The following SEPTIN3 variants were observed in gnomAD, a reference collection of about 807,000 sequenced individuals.
The protein encoded by SEPTIN3 is septin 3, also known as neuronal-specific septin-3.
Under a neutral mutation model 45.1 loss-of-function variants are expected in SEPTIN3, and 15 were observed. That is an observed-to-expected ratio of 0.33 (90% CI 0.22 to 0.51). The LOEUF is 0.51. Among genes scored for constraint, SEPTIN3 ranks in the 20% least tolerant of loss-of-function variants. The probability of loss-of-function intolerance (pLI) is 0.97; values close to 1 mark genes in which losing one functional copy is unlikely to be tolerated. For missense variants in SEPTIN3, 289 were observed against 457.2 expected (o/e 0.63, Z 3.35); for synonymous variants, 148 against 164.8 (o/e 0.90, Z 0.78).
At chr22:41,973,055 G>A (rs924963587) in intron 2 of SEPTIN3, 59 bp downstream of exon 2, 4 of 398,272 alleles carry the variant, frequency 1.0e-5, no homozygotes, top group African/African-American at 6.2e-5. Context: ...AGGTGTGTGA[G>A]CTTGGAGATG....
chr22:41,988,538 T>C (rs529077039), intron 6 of SEPTIN3, among the ~76,000 whole-genome samples: 2 of 151,868 alleles, frequency 1.3e-5, no homozygotes, highest in South Asian at 2.1e-4. Context: ...GCAGTGATGG[T>C]AGGGGGAGAA....
In SEPTIN3 at chr22:41,985,371, A is replaced by G. The variant is rs112572793; in HGVS notation, c.1697-613A>G. Among the ~76,000 whole-genome samples the G allele has an allele frequency of 2.7e-3, 404 of 152,208 alleles. 1 individual carries two copies. The highest frequency in any genetic ancestry group is 9.2e-3 in the African/African-American group (382 of 41,524). The stretch of plus-strand genomic sequence containing the variant: ...AGGCTTCTGGGAGCACAATCTAAAA[A>G]CCACTACACTAGAAGAAAGAGTGGA... On this transcript the variant is annotated intron_variant, in intron 3 of 11. Transcript: ENST00000644076.
chr22:41,996,467 A>AG (rs1274829472), intron 11 of SEPTIN3: 2 of 990,226 alleles, frequency 2.0e-6, no homozygotes, highest in African/African-American at 3.5e-5. Flanking sequence ...CTCAGGTGCT[A>AG]GGAAAAAAAA....
intron 7 of SEPTIN3, among the ~76,000 whole-genome samples, 171 bp downstream of exon 7, chr22:41,989,855 A>G (rs1015834893): frequency 6.6e-6 from 1 of 151,130 alleles, no homozygotes; most frequent in African/African-American, 2.4e-5. Context: ...GGTTGGTGGT[A>G]TCTGGGGACT....
intron 1 of SEPTIN3, among the ~76,000 whole-genome samples, chr22:41,970,424 G>A (rs1300321441): frequency 1.3e-5 from 2 of 152,084 alleles, no homozygotes; most frequent in Non-Finnish European, 2.9e-5. Context: ...CACAGCCCAC[G>A]GAGCAGAGAG....
Position 41,971,947 on chromosome 22 carries a change from C to T in SEPTIN3, c.455C>T (p.Ser152Leu), listed in dbSNP as rs1305324572. ...HEGGRVSSPG[S>L]PPVTLVPGGR... ...GGAGGGAGGGTGTCCTCGCCAGGCT[C>T]GCCACCTGTGACCCTAGTGCCAGGG... The change falls in exon 2 of 12, where the codon TCG becomes TTG. Residue 152 changes from serine to leucine, a missense_variant. Physicochemically the swap from Ser to Leu is moderately radical, Grantham distance 145. Around this residue, in one of 3 missense-constraint regions of SEPTIN3, gnomAD observed 200 missense variants for 315.1 expected, o/e 0.63. Transcript: ENST00000644076. The T allele has an allele frequency of 1.3e-5, 5 of 398,990 alleles. No individual in the cohort carries two copies. The highest frequency in any genetic ancestry group is 4.4e-5 in the Admixed American group (1 of 22,720). The allele number at this position is 398,990 out of a possible 1,614,324, so 24.7% of individuals were successfully genotyped here. A position where few individuals can be genotyped will look rare whatever the true frequency, so the allele number is the denominator to read the frequency against.
chr22:41,996,745 G>C, intron 11 of SEPTIN3, 157 bp from the exon 12 acceptor site: 2 of 1,508,616 alleles, frequency 1.3e-6, no homozygotes, highest in East Asian at 2.3e-5. Flanking sequence ...AGCAGGGGAA[G>C]ATCTATGGGC....
At chr22:41,973,166 G>A (rs2146665736) in intron 2 of SEPTIN3, among the ~76,000 whole-genome samples, 170 bp downstream of exon 2, 1 of 152,272 alleles carries the variant, frequency 6.6e-6, no homozygotes, top group Admixed American at 6.5e-5. Flanking sequence ...CAGACATAGG[G>A]ACTGTACCCT....
In SEPTIN3 at chr22:41,970,373, A is replaced by G. The variant is rs571840925; in HGVS notation, c.-20+696A>G. ...AGTCCCGCCACTTCTACCCCTGTGCAATGCAGCCTCCTCCAGCCCCAGCCC... is the reference window on the plus strand; with the variant it reads ...AGTCCCGCCACTTCTACCCCTGTGCGATGCAGCCTCCTCCAGCCCCAGCCC... On this transcript the variant is annotated intron_variant, in intron 1 of 11. Transcript: ENST00000644076. Among the ~76,000 whole-genome samples the G allele has an allele frequency of 1.3e-4, 20 of 152,206 alleles. No homozygotes were observed. The South Asian group carries it at 4.2e-3, about 32-fold the overall frequency.
At chr22:41,981,386 AAAG>A in intron 2 of SEPTIN3, 1 of 439,412 alleles carries the variant, frequency 2.3e-6, no homozygotes, top group Non-Finnish European at 4.1e-6. Context: ...GGTGCATTTG[AAAG>A]TGCCCAGCAA....
intron 11 of SEPTIN3, chr22:41,995,943 G>A (rs1354159785): frequency 1.0e-6 from 1 of 983,264 alleles, no homozygotes; most frequent in Non-Finnish European, 1.2e-6. Flanking sequence ...GTCTTTCTTA[G>A]TAATTTGGCT....
intron 2 of SEPTIN3, chr22:41,977,065 A>C (rs1333831995): frequency 2.5e-6 from 4 of 1,601,696 alleles, no homozygotes; most frequent in Non-Finnish European, 3.4e-6. Context: ...AGGAGGATTC[A>C]TGTCCAAAGG....
At chr22:41,977,017 C>G (rs1409068036) in intron 2 of SEPTIN3, 2 of 1,584,704 alleles carry the variant, frequency 1.3e-6, no homozygotes, top group South Asian at 1.1e-5. Flanking sequence ...GCCTTGCAGC[C>G]CCGCGCCCGG....
chr22:41,996,892 C>T lies in SEPTIN3; in HGVS notation c.2506-10C>T, dbSNP rs752815513. The T allele has an allele frequency of 4.3e-6, 7 of 1,613,586 alleles. No individual in the cohort carries two copies. Among genetic ancestry groups the T allele is most frequent in the Non-Finnish European group, 5.9e-6 (7 of 1,179,718 alleles). On this transcript the variant is annotated splice_polypyrimidine_tract_variant and intron_variant, in intron 11 of 11. Coordinates refer to ENST00000644076, the MANE Select transcript of SEPTIN3 (RefSeq NM_001363845.2). ...CTCCACACCCTCAACCGTTCTCAAC[C>T]CCCCTGCAGGGAGAAGGCCTCCTGG... is the stretch of plus-strand genomic sequence containing the variant.
chr22:41,993,347 C>T (rs1223670476), intron 9 of SEPTIN3, among the ~76,000 whole-genome samples: 1 of 149,804 alleles, frequency 6.7e-6, no homozygotes, highest in Non-Finnish European at 1.5e-5. Context: ...TTTTTTGAGA[C>T]GGAGTCTCAC....
At chr22:41,984,018 T>C (rs1416358074) in intron 3 of SEPTIN3, among the ~76,000 whole-genome samples, 1 of 152,150 alleles carries the variant, frequency 6.6e-6, no homozygotes, top group Non-Finnish European at 1.5e-5. Flanking sequence ...GTGAGCCACT[T>C]CTCTCCCCAG....
At chr22:41,985,411 G>A (rs1361852200) in intron 3 of SEPTIN3, among the ~76,000 whole-genome samples, 2 of 152,184 alleles carry the variant, frequency 1.3e-5, no homozygotes, top group Non-Finnish European at 2.9e-5. Flanking sequence ...GAGCCAAGAT[G>A]TTATTAGGGT....
intron 1 of SEPTIN3, among the ~76,000 whole-genome samples, chr22:41,970,690 G>A (rs2077949885): frequency 1.3e-5 from 2 of 152,066 alleles, no homozygotes; most frequent in South Asian, 2.1e-4. Context: ...CCTTCTGTAG[G>A]AACAGCCCCA....
At chr22:41,985,828 C>T in intron 3 of SEPTIN3, 156 bp from the exon 4 acceptor site, 2 of 818,942 alleles carry the variant, frequency 2.4e-6, no homozygotes, top group Non-Finnish European at 3.7e-6. Flanking sequence ...TTCCCACCTG[C>T]CTGCAATCCC....
Sources: allele counts gnomAD v4.1 joint callset (sites outside exome capture counted in the v4.1 genomes callset), GRCh38; gene constraint gnomAD v4.1.1; regional missense constraint gnomAD v4.1.1; transcripts MANE v1.5; gene names NCBI Gene and HGNC (gene_info 2026-07-23, HGNC 2026-07-21).